The following RBFOX2 variants were observed in gnomAD, a reference collection of about 807,000 sequenced individuals.
RBFOX2 encodes the protein RNA binding fox-1 homolog 2.
RBFOX2 carries 10 observed loss-of-function variants against 49.1 expected under a neutral mutation model. The ratio of observed to expected loss-of-function variants is 0.20; its 90% confidence interval spans 0.13 to 0.35. RBFOX2 has a LOEUF of 0.35. Ranked by LOEUF, RBFOX2 falls within the 10% of genes least tolerant of loss-of-function variation. The pLI is 1.00. For missense variants in RBFOX2, 323 were observed against 486.9 expected (o/e 0.66, Z 3.17); for synonymous variants, 183 against 187.4 (o/e 0.98, Z 0.19).
chr22:35,986,834 C>G (rs769302828), intron 1 of RBFOX2, among the ~76,000 whole-genome samples: 1 of 152,148 alleles, frequency 6.6e-6, no homozygotes, highest in Non-Finnish European at 1.5e-5. Flanking sequence ...ACTGCTTCAC[C>G]TAAGTTCCTC....
At chr22:35,971,110 A>G (rs141671992) in intron 1 of RBFOX2, among the ~76,000 whole-genome samples, 3 of 152,252 alleles carry the variant, frequency 2.0e-5, no homozygotes, top group East Asian at 3.9e-4. Flanking sequence ...AGAGTGCCTG[A>G]TATACTGCAG....
intron 9 of RBFOX2, among the ~76,000 whole-genome samples, chr22:35,758,945 T>G (rs548502741): frequency 6.6e-6 from 1 of 152,292 alleles, no homozygotes; most frequent in African/African-American, 2.4e-5. Context: ...GCCAACAAGC[T>G]TCTCTGCTGC....
upstream of RBFOX2, among the ~76,000 whole-genome samples, chr22:35,939,757 T>A (rs894682517): frequency 6.6e-6 from 1 of 152,148 alleles, no homozygotes; most frequent in Non-Finnish European, 1.5e-5. Flanking sequence ...ACATGAACAC[T>A]CATTTCCAGC....
intron 1 of RBFOX2, among the ~76,000 whole-genome samples, chr22:35,954,836 A>C (rs137986135): frequency 6.0e-4 from 91 of 152,188 alleles, no homozygotes; most frequent in Non-Finnish European, 8.1e-4. Flanking sequence ...CATGTAATAA[A>C]ATGTAAATGT....
intron 9 of RBFOX2, chr22:35,752,725 CCA>C (rs993478260): frequency 3.7e-6 from 3 of 818,854 alleles, no homozygotes; most frequent in Non-Finnish European, 4.4e-6. Context: ...TACAAAAAGC[CCA>C]CTAAGGGGCC....
At chr22:36,002,827 T>G (rs1187947133) in intron 1 of RBFOX2, among the ~76,000 whole-genome samples, 1 of 152,256 alleles carries the variant, frequency 6.6e-6, no homozygotes, top group East Asian at 1.9e-4. Context: ...GGTTTCGCCA[T>G]GTGGGCCAGG....
At chr22:36,004,365 C>T (rs1181081017) in intron 1 of RBFOX2, among the ~76,000 whole-genome samples, 4 of 152,168 alleles carry the variant, frequency 2.6e-5, no homozygotes, top group Admixed American at 6.5e-5. Context: ...ATCTCAAACT[C>T]GTAGGAAAAG....
intron 1 of RBFOX2, among the ~76,000 whole-genome samples, chr22:35,853,545 G>A (rs780603264): frequency 6.6e-6 from 1 of 151,914 alleles, no homozygotes; most frequent in African/African-American, 2.4e-5. Context: ...GTATGTATAT[G>A]TATACACATA....
chr22:35,757,087 T>G (rs1040907466), intron 9 of RBFOX2, among the ~76,000 whole-genome samples: 2 of 152,060 alleles, frequency 1.3e-5, no homozygotes, highest in Admixed American at 1.3e-4. Flanking sequence ...AATTGATAAC[T>G]GAAGTTCTGG....
intron 1 of RBFOX2, among the ~76,000 whole-genome samples, chr22:35,946,420 T>G (rs531348889): frequency 6.6e-6 from 1 of 152,318 alleles, no homozygotes; most frequent in East Asian, 1.9e-4. Flanking sequence ...CTAGTCAAAA[T>G]CCTTAATATC....
intron 1 of RBFOX2, chr22:35,996,833 G>C (rs1044343975): frequency 6.6e-6 from 1 of 152,160 alleles, no homozygotes; most frequent in Admixed American, 6.6e-5. Flanking sequence ...TGTCAGAAGA[G>C]TGTTTATTTG....
intron 6 of RBFOX2, among the ~76,000 whole-genome samples, chr22:35,763,364 C>T (rs1264102363): frequency 6.6e-6 from 1 of 152,118 alleles, no homozygotes; most frequent in Non-Finnish European, 1.5e-5. Flanking sequence ...GAGCTCGAGA[C>T]CAGCCTGGCC....
Position 35,961,456 on chromosome 22 carries a change from G to A in RBFOX2, c.42+107C>T, listed in dbSNP as rs937520958. The A allele has an allele frequency of 1.1e-5, 13 of 1,199,904 alleles. No homozygotes were observed. In the East Asian group the frequency reaches 3.5e-4, roughly 33 times the overall value. 74.3% of individuals were successfully genotyped at this position (1,199,904 alleles called of 1,614,324 possible). A position where few individuals can be genotyped will look rare whatever the true frequency, so the allele number is the denominator to read the frequency against. On this transcript the variant is annotated intron_variant, in intron 1 of 5. Coordinates refer to the RBFOX2 transcript ENST00000408983. ...AATGCAGCTCAGCACAATTCCACAC[G>A]ACCGACCTCTCTGCTTGAACTGGAC...
chr22:35,907,530 A>G (rs564145051), intron 1 of RBFOX2, among the ~76,000 whole-genome samples: 1 of 152,354 alleles, frequency 6.6e-6, no homozygotes, highest in South Asian at 2.1e-4. Flanking sequence ...TTCATGAAAG[A>G]CAAATGAATC....
chr22:35,920,565 A>G (rs1201270078), intron 1 of RBFOX2, among the ~76,000 whole-genome samples: 1 of 152,178 alleles, frequency 6.6e-6, no homozygotes, highest in Non-Finnish European at 1.5e-5. Context: ...AAATCTGCTT[A>G]CTGCCTTAAT....
At chr22:35,947,233 A>C (rs2054382468) in intron 1 of RBFOX2, among the ~76,000 whole-genome samples, 1 of 152,102 alleles carries the variant, frequency 6.6e-6, no homozygotes, top group Admixed American at 6.5e-5. Context: ...AAAAACTCCT[A>C]TCACAGTGAC....
chr22:35,959,481 C>T (rs541224087), intron 1 of RBFOX2, among the ~76,000 whole-genome samples: 56 of 152,308 alleles, frequency 3.7e-4, no homozygotes, highest in African/African-American at 1.2e-3. Context: ...CTTTAACCTG[C>T]GGTTATCACC....
At chr22:36,008,330 T>C (rs2058692952) in intron 1 of RBFOX2, among the ~76,000 whole-genome samples, 1 of 146,990 alleles carries the variant, frequency 6.8e-6, no homozygotes, top group Admixed American at 6.9e-5. Flanking sequence ...TTTTGTTCAA[T>C]CAAATTTTGT....
chr22:35,746,102 T>C (rs1291786374), intron 10 of RBFOX2, 107 bp from the exon 13 acceptor site: 3 of 972,614 alleles, frequency 3.1e-6, no homozygotes, highest in Admixed American at 4.6e-5. Context: ...TCTTGGATTA[T>C]CATAAGGAAA....
Sources: gnomAD v4.1 joint callset for allele counts (sites outside exome capture counted in the v4.1 genomes callset) on GRCh38, gnomAD v4.1.1 for gene constraint, MANE v1.5 for transcripts, NCBI Gene and HGNC (gene_info 2026-07-23, HGNC 2026-07-21) for gene names.